Variants in GPC3 observed in about 807,000 individuals in gnomAD.
GPC3 encodes glypican 3.
In GPC3, 3 loss-of-function variants were observed where a neutral mutation model predicts 34.4. That is an observed-to-expected ratio of 0.09 (90% CI 0.04 to 0.23). The LOEUF is 0.23. Among genes scored for constraint, GPC3 ranks in the 10% least tolerant of loss-of-function variants. The pLI is 1.00. For synonymous variants in GPC3, 177 were observed against 174.0 expected (o/e 1.02, Z -0.13); for missense variants, 351 against 445.6 (o/e 0.79, Z 1.91).
At chrX:133,841,672 A>G (rs1170297895) in intron 2 of GPC3, among the ~76,000 whole-genome samples, 1 of 111,521 alleles carries the variant, frequency 9.0e-6, no homozygotes, top group African/African-American at 3.3e-5. Context: ...GTTAATACTG[A>G]GTGTCAACTT....
chrX:133,589,344 C>T (rs918864879), intron 7 of GPC3, among the ~76,000 whole-genome samples: 2 of 111,084 alleles, frequency 1.8e-5, no homozygotes, highest in Non-Finnish European at 3.8e-5. Flanking sequence ...GTGAATAAGT[C>T]TCATGAGATC....
chrX:133,742,881 G>C (rs1243687057), intron 3 of GPC3, among the ~76,000 whole-genome samples: 10 of 112,028 alleles, frequency 8.9e-5, no homozygotes, highest in Non-Finnish European at 1.9e-5. Context: ...TAGGCATTCT[G>C]AGTGGAACGA....
intron 2 of GPC3, among the ~76,000 whole-genome samples, chrX:133,861,686 T>G: frequency 9.0e-6 from 1 of 111,105 alleles, no homozygotes; most frequent in African/African-American, 3.3e-5. Flanking sequence ...CCTCAATGGC[T>G]TGGTGCTGTC....
chrX:133,837,664 A>G (rs1272481770), intron 2 of GPC3, among the ~76,000 whole-genome samples: 2 of 111,899 alleles, frequency 1.8e-5, no homozygotes. Flanking sequence ...GACAGAAGCT[A>G]AACTGCCCTG....
intron 2 of GPC3, among the ~76,000 whole-genome samples, chrX:133,900,564 T>C (rs2076139871): frequency 1.9e-5 from 2 of 105,358 alleles, no homozygotes; most frequent in Non-Finnish European, 3.9e-5. Flanking sequence ...CTTCTTTAAC[T>C]TTTTTTTTTT....
chrX:133,764,008 A>G lies in GPC3; in HGVS notation c.338-9832T>C, dbSNP rs192923932. ...CAGCGCTATTCACAATAGCAAAGAC[A>G]TGGAACCAACCTAGGTGCCCATCAA... On this transcript the variant is annotated intron_variant, in intron 2 of 7. Coordinates refer to ENST00000370818, the MANE Select transcript of GPC3 (RefSeq NM_004484.4). 2.4e-3 allele frequency among the ~76,000 whole-genome samples: 275 copies of G among 112,272 alleles called. 2 individuals carry two copies. The highest frequency in any genetic ancestry group is 2.6e-3 in the Non-Finnish European group (140 of 53,271).
chrX:133,954,738 C>CTTTTT (rs1166218378), intron 1 of GPC3, among the ~76,000 whole-genome samples: 2 of 53,786 alleles, frequency 3.7e-5, no homozygotes, highest in African/African-American at 7.7e-5. Context: ...CAAACTTTCT[C>CTTTTT]TTTTTTTTTT....
intron 2 of GPC3, among the ~76,000 whole-genome samples, chrX:133,869,674 A>G (rs59602280): frequency 0.05 from 5,588 of 112,089 alleles, 307 homozygotes; most frequent in African/African-American, 0.16. Context: ...GTGGCCGGGC[A>G]TGGTGGCTTA....
chrX:133,558,737 A>G (rs1322398542), intron 7 of GPC3, among the ~76,000 whole-genome samples: 1 of 108,897 alleles, frequency 9.2e-6, no homozygotes, highest in Non-Finnish European at 1.9e-5. Context: ...CTAAAAATAC[A>G]AAAATTAGCC....
chrX:133,830,477 G>T (rs1415541339), intron 2 of GPC3, among the ~76,000 whole-genome samples: 1 of 109,983 alleles, frequency 9.1e-6, no homozygotes, highest in African/African-American at 3.3e-5. Context: ...TCAGGAGTTC[G>T]AGACCAGCCT....
Position 133,897,332 on chromosome X carries a change from G to A in GPC3, c.337+55718C>T, listed in dbSNP as rs185909327. ...CACAAAGTGCTGGAATTATAGGCAT[G>A]AGCCACCAAGCCCAGCCTCTTTGTG... is the stretch of plus-strand genomic sequence containing the variant. On this transcript the variant is annotated intron_variant, in intron 2 of 7. Transcript: ENST00000370818. Among the ~76,000 whole-genome samples the A allele has an allele frequency of 8.4e-3, 890 of 106,527 alleles. 18 individuals carry two copies. The highest frequency in any genetic ancestry group is 0.029 in the African/African-American group (859 of 29,276). 92.5% of individuals were successfully genotyped at this position (106,527 alleles called of 115,157 possible). A position where few individuals can be genotyped will look rare whatever the true frequency, so the allele number is the denominator to read the frequency against.
chrX:133,853,879 C>G lies in GPC3; in HGVS notation c.337+99171G>C, dbSNP rs752148784. 1.6e-4 allele frequency among the ~76,000 whole-genome samples: 18 copies of G among 111,808 alleles called. No individual in the cohort carries two copies. The South Asian group carries it at 6.8e-3, about 42-fold the overall frequency. ...GGATCTCATTGAAAAAGACACTCCT[C>G]TCAGTCCTAGCTATGCTCTTATAGA... On this transcript the variant is annotated intron_variant, in intron 2 of 7. Coordinates refer to ENST00000370818, the MANE Select transcript of GPC3 (RefSeq NM_004484.4).
chrX:133,591,902 T>C (rs2069852377), intron 7 of GPC3, among the ~76,000 whole-genome samples: 1 of 111,694 alleles, frequency 9.0e-6, no homozygotes, highest in African/African-American at 3.3e-5. Context: ...AGGCAACATT[T>C]TGGTAAGTTG....
chrX:133,723,422 C>G (rs2071386378), intron 3 of GPC3, among the ~76,000 whole-genome samples: 1 of 112,065 alleles, frequency 8.9e-6, no homozygotes, highest in African/African-American at 3.2e-5. Context: ...AACACAAACA[C>G]AAATGGTAGA....
At chrX:133,947,329 G>A (rs756921522) in intron 2 of GPC3, among the ~76,000 whole-genome samples, 1 of 111,710 alleles carries the variant, frequency 9.0e-6, no homozygotes, top group East Asian at 2.9e-4. Flanking sequence ...TCAATCAAGG[G>A]CGATGGCCTG....
At chrX:133,738,532 T>A (rs965171630) in intron 3 of GPC3, among the ~76,000 whole-genome samples, 4 of 111,767 alleles carry the variant, frequency 3.6e-5, no homozygotes, top group African/African-American at 1.3e-4. Flanking sequence ...GTAATAGACA[T>A]CTATTCATTT....
intron 2 of GPC3, among the ~76,000 whole-genome samples, chrX:133,782,924 G>C (rs983225109): frequency 1.8e-5 from 2 of 111,477 alleles, no homozygotes; most frequent in African/African-American, 6.5e-5. Flanking sequence ...AAGAAGACAG[G>C]TTAGCAGGGG....
At chrX:133,746,784 T>C (rs1326855456) in intron 3 of GPC3, among the ~76,000 whole-genome samples, 1 of 111,991 alleles carries the variant, frequency 8.9e-6, no homozygotes, top group Non-Finnish European at 1.9e-5. Context: ...TGAAAACAGC[T>C]TGTATGAATT....
intron 6 of GPC3, among the ~76,000 whole-genome samples, chrX:133,626,301 C>G (rs1216094109): frequency 1.8e-5 from 2 of 111,549 alleles, no homozygotes; most frequent in Non-Finnish European, 3.8e-5. Flanking sequence ...CAACAAAAGC[C>G]AAAATTGACA....
Sources: allele counts gnomAD v4.1 joint callset (sites outside exome capture counted in the v4.1 genomes callset), GRCh38; gene constraint gnomAD v4.1.1; transcripts MANE v1.5; gene names NCBI Gene and HGNC (gene_info 2026-07-23, HGNC 2026-07-21).